Variants in EFNA5 observed in about 807,000 individuals in gnomAD.
The protein encoded by EFNA5 is ephrin A5, also known as ephrin-A5.
Under a neutral mutation model 22.9 loss-of-function variants are expected in EFNA5, and 5 were observed. The ratio of observed to expected loss-of-function variants is 0.22; its 90% confidence interval spans 0.11 to 0.46. EFNA5 has a LOEUF of 0.46. Among genes scored for constraint, EFNA5 ranks in the 20% least tolerant of loss-of-function variants. The probability of loss-of-function intolerance (pLI) is 0.99; values close to 1 mark genes in which losing one functional copy is unlikely to be tolerated. For missense variants in EFNA5, 237 were observed against 293.3 expected, an observed-to-expected ratio of 0.81 and a Z score of 1.40; for synonymous variants, 113 against 112.2, an observed-to-expected ratio of 1.01 and a Z score of -0.04.
intron 1 of EFNA5, among the ~76,000 whole-genome samples, chr5:107,651,654 A>G (rs1750732564): frequency 7.7e-6 from 1 of 130,292 alleles, no homozygotes; most frequent in African/African-American, 3.0e-5. Context: ...GATTTTTGTG[A>G]ACAATGGTTT....
At chr5:107,408,412 A>AC in intron 2 of EFNA5, among the ~76,000 whole-genome samples, 1 of 152,290 alleles carries the variant, frequency 6.6e-6, no homozygotes, top group East Asian at 1.9e-4. Context: ...TTTAGAACAG[A>AC]CCACTTTTTA....
Position 107,561,014 on chromosome 5 carries a change from A to C in EFNA5, c.125+109475T>G, listed in dbSNP as rs1256933223. On this transcript the variant is annotated intron_variant, in intron 1 of 4. Coordinates refer to ENST00000333274, the MANE Select transcript of EFNA5 (RefSeq NM_001962.3). ...ATGAGACATGAGACTTTATCCATTA[A>C]TTAACTATGTCTATTAAGAACAGGT... Among the ~76,000 whole-genome samples the C allele has an allele frequency of 4.6e-5, 7 of 152,202 alleles. No individual in the cohort carries two copies. In the South Asian group the frequency reaches 1.4e-3, roughly 31 times the overall value.
rs553043865 is a variant in EFNA5, at chr5:107,626,024, C to T, written c.125+44465G>A. On this transcript the variant is annotated intron_variant, in intron 1 of 4. Transcript: ENST00000333274. ...AACTGATAAATTCATGCATTACAAA[C>T]CTGTTTTCAAGTCTGTCATGACAGA... 1.2e-4 allele frequency among the ~76,000 whole-genome samples: 19 copies of T among 152,268 alleles called. 1 individual carries two copies. The South Asian group carries it at 1.7e-3, about 13-fold the overall frequency.
chr5:107,493,511 A>G (rs1746872088), intron 1 of EFNA5, among the ~76,000 whole-genome samples: 1 of 152,256 alleles, frequency 6.6e-6, no homozygotes, highest in Non-Finnish European at 1.5e-5. Context: ...CCATGGCTCC[A>G]ATGCCTAAAT....
chr5:107,614,325 A>G (rs1749873221), intron 1 of EFNA5, among the ~76,000 whole-genome samples: 1 of 152,202 alleles, frequency 6.6e-6, no homozygotes, highest in Non-Finnish European at 1.5e-5. Flanking sequence ...ATATTAACAT[A>G]GTGTTGACAA....
At chr5:107,521,923 C>T (rs1747607842) in intron 1 of EFNA5, among the ~76,000 whole-genome samples, 2 of 152,116 alleles carry the variant, frequency 1.3e-5, no homozygotes, top group Non-Finnish European at 2.9e-5. Context: ...GCCTCCAACT[C>T]CTGGCCTCAG....
At chr5:107,584,331 G>A (rs530571301) in intron 1 of EFNA5, among the ~76,000 whole-genome samples, 6 of 152,212 alleles carry the variant, frequency 3.9e-5, no homozygotes, top group Admixed American at 2.6e-4. Context: ...GCCTCTAAAC[G>A]CCAAGGAGGC....
At position 107,518,347 on chromosome 5, in the gene EFNA5, T is replaced by C. The variant is rs374356119; in HGVS notation, c.126-90838A>G. On this transcript the variant is annotated intron_variant, in intron 1 of 4. Coordinates refer to ENST00000333274, the MANE Select transcript of EFNA5 (RefSeq NM_001962.3). The stretch of plus-strand genomic sequence containing the variant: ...TGTTTACTAGGCTTGCTGGAGGCCC[T>C]GGAGGTCACTGTGATTGACAGGATT... Among the ~76,000 whole-genome samples the C allele has an allele frequency of 1.9e-4, 29 of 151,858 alleles. No individual in the cohort carries two copies. In the South Asian group the frequency reaches 5.4e-3, roughly 28 times the overall value.
At position 107,510,498 on chromosome 5, in the gene EFNA5, C is replaced by T. The variant is rs186686519; in HGVS notation, c.126-82989G>A. 4.6e-3 allele frequency among the ~76,000 whole-genome samples: 707 copies of T among 152,298 alleles called. 8 individuals are homozygous for T. Among genetic ancestry groups the T allele is most frequent in the African/African-American group, 0.016 (664 of 41,570 alleles). On this transcript the variant is annotated intron_variant, in intron 1 of 4. Transcript: ENST00000333274. ...CTTTCCTTTCACTTTACTCTAGGGA[C>T]TTGCACCAAACTCCTTGCGAGATCC...
chr5:107,630,095 C>T (rs796084235), intron 1 of EFNA5, among the ~76,000 whole-genome samples: 23 of 151,782 alleles, frequency 1.5e-4, no homozygotes, highest in African/African-American at 5.3e-4. Context: ...GATTGTTTTG[C>T]AATTTTTTTA....
intron 1 of EFNA5, 100 bp from the exon 2 acceptor site, chr5:107,427,609 CTAGTA>C: frequency 9.0e-7 from 1 of 1,116,042 alleles, no homozygotes; most frequent in African/African-American, 1.6e-5. Flanking sequence ...GCTAAAGCAT[CTAGTA>C]TAGTAAGTTC....
intron 1 of EFNA5, among the ~76,000 whole-genome samples, chr5:107,561,456 C>A (rs977123595): frequency 6.6e-6 from 1 of 152,108 alleles, no homozygotes; most frequent in East Asian, 1.9e-4. Flanking sequence ...GCAACCTCCA[C>A]CTCCTGGGTT....
chr5:107,589,593 T>C (rs1029530281), intron 1 of EFNA5, among the ~76,000 whole-genome samples: 2 of 152,178 alleles, frequency 1.3e-5, no homozygotes, highest in African/African-American at 4.8e-5. Flanking sequence ...ACAATGCTAG[T>C]GAATGAAGCA....
chr5:107,608,898 T>C (rs1580558173), intron 1 of EFNA5, among the ~76,000 whole-genome samples: 1 of 152,212 alleles, frequency 6.6e-6, no homozygotes, highest in African/African-American at 2.4e-5. Context: ...TTTACTAGAA[T>C]TGGGAGGGCT....
intron 1 of EFNA5, among the ~76,000 whole-genome samples, chr5:107,582,015 T>C (rs777844707): frequency 1.3e-5 from 2 of 152,186 alleles, no homozygotes; most frequent in South Asian, 2.1e-4. Context: ...CTGCTTTGCA[T>C]AGGTACCCAG....
At chr5:107,452,079 G>A (rs1360824097) in intron 1 of EFNA5, among the ~76,000 whole-genome samples, 3 of 152,076 alleles carry the variant, frequency 2.0e-5, no homozygotes, top group Non-Finnish European at 4.4e-5. Context: ...TGATAAAGCT[G>A]GAAGCCATTA....
At chr5:107,439,273 G>T (rs939372268) in intron 1 of EFNA5, among the ~76,000 whole-genome samples, 20 of 152,252 alleles carry the variant, frequency 1.3e-4, no homozygotes, top group Non-Finnish European at 2.2e-4. Context: ...CCCCAAGAGA[G>T]CCCCCCACCG....
At chr5:107,423,151 A>C (rs925985870) in intron 2 of EFNA5, among the ~76,000 whole-genome samples, 1 of 152,168 alleles carries the variant, frequency 6.6e-6, no homozygotes, top group African/African-American at 2.4e-5. Context: ...CAAACTCCAG[A>C]TGGATGAAAT....
intron 1 of EFNA5, among the ~76,000 whole-genome samples, chr5:107,553,205 T>G (rs991897338): frequency 1.3e-5 from 2 of 152,158 alleles, no homozygotes; most frequent in African/African-American, 4.8e-5. Context: ...CCCAGGGGCC[T>G]TATTAAACTG....
Sources: allele counts gnomAD v4.1 joint callset (sites outside exome capture counted in the v4.1 genomes callset), GRCh38; gene constraint gnomAD v4.1.1; transcripts MANE v1.5; gene names NCBI Gene and HGNC (gene_info 2026-07-23, HGNC 2026-07-21).